CTNNA2: variants seen among roughly 807,000 people sequenced by gnomAD.
The protein encoded by CTNNA2 is catenin alpha-2.
CTNNA2 carries 42 observed loss-of-function variants against 101.0 expected under a neutral mutation model. The ratio of observed to expected loss-of-function variants is 0.42; its 90% CI spans 0.32 to 0.54. The LOEUF is 0.54. CTNNA2 is among the 20% of genes least tolerant of loss of function. The probability of loss-of-function intolerance (pLI) is 0.14; values close to 1 mark genes in which losing one functional copy is unlikely to be tolerated. For synonymous variants in CTNNA2, 450 were observed against 456.4 expected, an observed-to-expected ratio of 0.99 and a Z score of 0.18; for missense variants, 871 against 1,223.1, an observed-to-expected ratio of 0.71 and a Z score of 4.29.
At chr2:80,638,862 AG>A (rs1444993619) in intron 18 of CTNNA2, among the ~76,000 whole-genome samples, 2 of 152,224 alleles carry the variant, frequency 1.3e-5, no homozygotes, top group Non-Finnish European at 2.9e-5. Context: ...CAAAGAGCCA[AG>A]TGGTAAATTC....
At chr2:79,457,245 C>T (rs942375447) in intron 4 of CTNNA2, among the ~76,000 whole-genome samples, 3 of 150,876 alleles carry the variant, frequency 2.0e-5, no homozygotes, top group Non-Finnish European at 4.4e-5. Context: ...TCAGTGTGTT[C>T]AGGGAAATAT....
upstream of CTNNA2, among the ~76,000 whole-genome samples, chr2:79,512,829 A>C (rs1671592653): frequency 2.0e-5 from 3 of 147,108 alleles, no homozygotes; most frequent in Admixed American, 1.3e-4. Context: ...CCCCCCACCC[A>C]GCCACCCCTC....
At chr2:79,204,411 G>T (rs1279130855) in intron 2 of CTNNA2, among the ~76,000 whole-genome samples, 1 of 152,000 alleles carries the variant, frequency 6.6e-6, no homozygotes, top group African/African-American at 2.4e-5. Context: ...TTATGGATTT[G>T]TGTGCCAATT....
chr2:79,300,061 C>G (rs1295874908), intron 2 of CTNNA2, among the ~76,000 whole-genome samples: 2 of 152,240 alleles, frequency 1.3e-5, no homozygotes, highest in East Asian at 1.9e-4. Context: ...TGATACATCA[C>G]TAACAGATTT....
intron 7 of CTNNA2, among the ~76,000 whole-genome samples, chr2:80,329,106 T>A (rs1671084711): frequency 6.6e-6 from 1 of 152,242 alleles, no homozygotes; most frequent in African/African-American, 2.4e-5. Context: ...TAAAAATATT[T>A]GCAGAAAGTT....
chr2:80,419,789 T>C (rs1680359707), intron 9 of CTNNA2, among the ~76,000 whole-genome samples, 188 bp downstream of exon 9: 1 of 152,098 alleles, frequency 6.6e-6, no homozygotes, highest in Admixed American at 6.6e-5. Flanking sequence ...ATCATCTTTC[T>C]TTTATCTGTC....
intron 7 of CTNNA2, among the ~76,000 whole-genome samples, chr2:80,022,906 G>A (rs1694670760): frequency 6.6e-6 from 1 of 152,068 alleles, no homozygotes; most frequent in South Asian, 2.1e-4. Flanking sequence ...TCAGATCTGG[G>A]GTCCGTTGGG....
intron 2 of CTNNA2, among the ~76,000 whole-genome samples, chr2:79,679,377 C>A (rs191694575): frequency 1.3e-5 from 2 of 152,266 alleles, no homozygotes; most frequent in Admixed American, 6.5e-5. Flanking sequence ...TGGCATCCCA[C>A]CTTGTTCCCC....
chr2:79,778,251 C>G (rs991314852), intron 3 of CTNNA2, among the ~76,000 whole-genome samples: 4 of 122,124 alleles, frequency 3.3e-5, no homozygotes, highest in African/African-American at 1.8e-4. Flanking sequence ...GAGGCTGAGG[C>G]AGGAGAATGG....
At chr2:80,567,117 T>C (rs1694131241) in intron 12 of CTNNA2, among the ~76,000 whole-genome samples, 1 of 152,154 alleles carries the variant, frequency 6.6e-6, no homozygotes, top group Non-Finnish European at 1.5e-5. Context: ...ATTTGCCTAG[T>C]AGGTAATGCT....
intron 7 of CTNNA2, among the ~76,000 whole-genome samples, chr2:80,180,395 C>T (rs1436283862): frequency 1.3e-5 from 2 of 152,202 alleles, no homozygotes; most frequent in African/African-American, 4.8e-5. Flanking sequence ...CTGTCAATTT[C>T]AGTTCTAGGA....
chr2:80,582,279 G>A (rs1275008563), intron 14 of CTNNA2, among the ~76,000 whole-genome samples: 1 of 152,154 alleles, frequency 6.6e-6, no homozygotes, highest in African/African-American at 2.4e-5. Flanking sequence ...AATGGCCTAT[G>A]TTCTATGATA....
In CTNNA2 at chr2:80,294,641, A is replaced by AAAT. The variant is rs553948234; in HGVS notation, c.1057-98555_1057-98553dup. On this transcript the variant is annotated intron_variant, in intron 7 of 18. Coordinates refer to ENST00000402739, the MANE Select transcript of CTNNA2 (RefSeq NM_001282597.3). Reference sequence around the variant, plus strand: ...TGGAATCACCTGGGAAGCTTAAAAAAAATAATAATAATAATAAAAATAATT... The same window carrying AAAT: ...TGGAATCACCTGGGAAGCTTAAAAAAAATAATAATAATAATAATAAAAATAATT... 2.2e-3 allele frequency among the ~76,000 whole-genome samples: 331 copies of AAAT among 152,122 alleles called. 1 individual carries two copies. Among genetic ancestry groups the AAAT allele is most frequent in the African/African-American group, 7.3e-3 (303 of 41,508 alleles).
chr2:79,687,543 A>G, intron 2 of CTNNA2: 2 of 700,302 alleles, frequency 2.9e-6, no homozygotes, highest in South Asian at 1.6e-5. Flanking sequence ...CTGAATACAC[A>G]TTGTTTTGTT....
intron 3 of CTNNA2, among the ~76,000 whole-genome samples, chr2:79,348,164 T>TGTG (rs1440565095): frequency 1.3e-5 from 2 of 152,084 alleles, no homozygotes; most frequent in African/African-American, 4.8e-5. Flanking sequence ...TTTGGACTCC[T>TGTG]ATGAAAACAG....
At chr2:79,231,837 G>A (rs1674497166) in intron 2 of CTNNA2, among the ~76,000 whole-genome samples, 1 of 152,008 alleles carries the variant, frequency 6.6e-6, no homozygotes, top group African/African-American at 2.4e-5. Flanking sequence ...ATGAGATTGT[G>A]TCTTTGCTTT....
chr2:80,184,792 GA>G (rs78268112), intron 7 of CTNNA2, among the ~76,000 whole-genome samples: 25,380 of 152,088 alleles, frequency 0.17, 2,653 homozygotes, highest in South Asian at 0.31. Flanking sequence ...AGTAACAATT[GA>G]GTTCATTTTG....
rs144172731 is a variant in CTNNA2, at chr2:79,987,064, G to C, written c.1056+77267G>C. Among the ~76,000 whole-genome samples, 22 of 152,254 alleles carry C rather than the reference G, an allele frequency of 1.4e-4. No individual in the cohort carries two copies. In the East Asian group the frequency reaches 3.3e-3, roughly 23 times the overall value. ...CCCCGGGCCCAGAGTGCTGTGTGGT[G>C]TTTGGTGTCTTGTGGAACCACTTTT... On this transcript the variant is annotated intron_variant, in intron 7 of 18. Transcript: ENST00000402739.
chr2:80,260,229 C>T (rs751664073), intron 7 of CTNNA2, among the ~76,000 whole-genome samples: 2 of 152,112 alleles, frequency 1.3e-5, no homozygotes, highest in Non-Finnish European at 2.9e-5. Context: ...AGTAATGTAG[C>T]AATTAGTAAT....
Sources: allele counts gnomAD v4.1 joint callset (sites outside exome capture counted in the v4.1 genomes callset), GRCh38; gene constraint gnomAD v4.1.1; transcripts MANE v1.5; gene names NCBI Gene and HGNC (gene_info 2026-07-23, HGNC 2026-07-21).